ATM: variants seen among roughly 807,000 people sequenced by gnomAD.
ATM encodes the protein ATM serine/threonine kinase.
In ATM, 308 loss-of-function variants were observed where a neutral mutation model predicts 387.0. The observed-to-expected ratio is 0.80, with a 90% CI of 0.73 to 0.87. ATM has a LOEUF of 0.87. ATM is among the 40% of genes least tolerant of loss of function. The pLI, the probability that ATM is intolerant of heterozygous loss-of-function variation, is 0.00. For synonymous variants in ATM, 1,156 were observed against 1,187.3 expected (o/e 0.97, Z 0.54); for missense variants, 3,312 against 3,560.9 (o/e 0.93, Z 1.78).
chr11:108,283,931 T>G (rs2082355312), intron 25 of ATM, among the ~76,000 whole-genome samples: 1 of 152,188 alleles, frequency 6.6e-6, no homozygotes, highest in Non-Finnish European at 1.5e-5. Context: ...AAGTCTCCAT[T>G]TTTATTTGTT....
intron 22 of ATM, among the ~76,000 whole-genome samples, chr11:108,274,040 C>T (rs2081779894): frequency 6.6e-6 from 1 of 152,190 alleles, no homozygotes; most frequent in Non-Finnish European, 1.5e-5. Context: ...ATTACTGCCT[C>T]AATTTCAGAA....
chr11:108,322,141 T>C (rs1402997865), intron 45 of ATM, among the ~76,000 whole-genome samples: 1 of 152,000 alleles, frequency 6.6e-6, no homozygotes, highest in Non-Finnish European at 1.5e-5. Context: ...TGTTTTTGTT[T>C]TGTTTTCTTT....
At chr11:108,320,829 G>T (rs1430943806) in intron 44 of ATM, among the ~76,000 whole-genome samples, 7 of 152,134 alleles carry the variant, frequency 4.6e-5, no homozygotes, top group Admixed American at 2.6e-4. Flanking sequence ...ATAGCTTACT[G>T]TTAACCAGAA....
intron 16 of ATM, among the ~76,000 whole-genome samples, chr11:108,261,997 C>G (rs2080921013): frequency 6.6e-6 from 1 of 152,196 alleles, no homozygotes; most frequent in Admixed American, 6.5e-5. Flanking sequence ...AAGACCAAAT[C>G]TACGTCTGAT....
rs959094496 is a variant in ATM at position 108,236,975 on chromosome 11, C to CT, written c.496+1151dup. 6.6e-3 allele frequency among the ~76,000 whole-genome samples: 973 copies of CT among 147,948 alleles called. 8 individuals are homozygous for CT. Among genetic ancestry groups the CT allele is most frequent in the African/African-American group, 0.019 (761 of 40,352 alleles). On this transcript the variant is annotated intron_variant, in intron 5 of 62. Coordinates refer to ENST00000675843, the MANE Select transcript of ATM (RefSeq NM_000051.4). ...TACACGAACTCTAAAAGTTTAGAAG[C>CT]TTTTTTTTTTCATGGAAAGTATTTA...
chr11:108,354,702 GATT>G (rs2089667614), intron 60 of ATM, 106 bp from the exon 61 acceptor site: 3 of 989,886 alleles, frequency 3.0e-6, no homozygotes, highest in Non-Finnish European at 4.9e-6. Context: ...CAGATATGTA[GATT>G]ATTAAGCATA....
chr11:108,344,380 A>G (rs1348826485), intron 57 of ATM, among the ~76,000 whole-genome samples: 1 of 152,210 alleles, frequency 6.6e-6, no homozygotes, highest in East Asian at 1.9e-4. Flanking sequence ...ATGAGCAGGA[A>G]AAGACAACAT....
At chr11:108,223,323 A>T (rs754490342) in intron 1 of ATM, 137 bp downstream of exon 1, 1 of 152,992 alleles carries the variant, frequency 6.5e-6, no homozygotes, top group African/African-American at 2.4e-5. Context: ...TCCTCACTCC[A>T]TCTTTCCTGG....
chr11:108,326,818 ATTAT>A (rs962174545), intron 47 of ATM, among the ~76,000 whole-genome samples: 1 of 151,874 alleles, frequency 6.6e-6, no homozygotes, highest in Non-Finnish European at 1.5e-5. Context: ...ACTGTGCTTT[ATTAT>A]TTATTTATTT....
At chr11:108,346,290 C>G (rs1215869277) in intron 58 of ATM, among the ~76,000 whole-genome samples, 1 of 151,926 alleles carries the variant, frequency 6.6e-6, no homozygotes, top group African/African-American at 2.4e-5. Flanking sequence ...TTGCATATAA[C>G]CTCTAAATAT....
chr11:108,247,961 C>T (rs2079939421), intron 8 of ATM, among the ~76,000 whole-genome samples: 2 of 152,126 alleles, frequency 1.3e-5, no homozygotes, highest in Admixed American at 6.6e-5. Context: ...TTCCCTGCAT[C>T]TCCTAGATCC....
At chr11:108,323,454 G>A (rs2085377614) in intron 45 of ATM, among the ~76,000 whole-genome samples, 1 of 152,060 alleles carries the variant, frequency 6.6e-6, no homozygotes, top group African/African-American at 2.4e-5. Flanking sequence ...AAAAACACAG[G>A]TAAATAGAAG....
intron 16 of ATM, among the ~76,000 whole-genome samples, chr11:108,260,011 A>G (rs907905757): frequency 6.8e-6 from 1 of 147,050 alleles, no homozygotes; most frequent in Non-Finnish European, 1.5e-5. Flanking sequence ...GTATATATGT[A>G]TATGAAAGCT....
intron 48 of ATM, 76 bp downstream of exon 48, chr11:108,327,834 T>C (rs2136383025): frequency 2.7e-6 from 3 of 1,122,728 alleles, no homozygotes; most frequent in African/African-American, 1.6e-5. Context: ...GATCAATATA[T>C]TTCCAAAGCA....
At chr11:108,327,952 G>A (rs993615449) in intron 48 of ATM, among the ~76,000 whole-genome samples, 194 bp downstream of exon 48, 1 of 152,176 alleles carries the variant, frequency 6.6e-6, no homozygotes, top group Non-Finnish European at 1.5e-5. Flanking sequence ...AATTTTGAAA[G>A]TAAGCCCAAG....
At chr11:108,236,227 A>G (rs750117717) in intron 5 of ATM, 6 of 261,230 alleles carry the variant, frequency 2.3e-5, no homozygotes, top group Admixed American at 1.0e-4. Context: ...AAAGGGAGAA[A>G]ACCAAGAGAG....
chr11:108,355,315 G>C lies in ATM; in HGVS notation c.8850+441G>C, dbSNP rs531237518. 3.4e-5 allele frequency: 7 copies of C among 206,702 alleles called. 1 individual carries two copies. In the South Asian group the frequency reaches 5.7e-4, roughly 17 times the overall value. The allele number at this position is 206,702 out of a possible 1,614,324, so 12.8% of individuals were successfully genotyped here. A position where few individuals can be genotyped will look rare whatever the true frequency, so the allele number is the denominator to read the frequency against. ...AGAGGAACATGGCTTAGGAATGAGG[G>C]CCAGACTAGTTTACTGCTGGTGCTA... On this transcript the variant is annotated intron_variant, in intron 61 of 62. Coordinates refer to ENST00000675843, the MANE Select transcript of ATM (RefSeq NM_000051.4).
rs2082292356 is a variant in ATM at position 108,282,696 on chromosome 11, T to C, written c.3577-14T>C. On this transcript the variant is annotated splice_polypyrimidine_tract_variant and intron_variant, in intron 24 of 62. Coordinates refer to ENST00000675843, the MANE Select transcript of ATM (RefSeq NM_000051.4). ...TTCATTTTTCTTAACACATTGACTT[T>C]TTGGTTCGTGCAGGTTTTAGAGAAA... 1.2e-6 allele frequency: 2 copies of C among 1,611,806 alleles called. No homozygotes were observed. Among genetic ancestry groups the C allele is most frequent in the South Asian group, 2.2e-5 (2 of 90,720 alleles).
Position 108,252,800 on chromosome 11 carries a change from T to C in ATM, c.1803-17T>C, listed in dbSNP as rs2135352121. Reference sequence around the variant, plus strand: ...GCTTTTGGTCTTCTAAGTGAAGCTTTTTGTTTTTCTTTGTAGTAATTTTCC... The same window carrying C: ...GCTTTTGGTCTTCTAAGTGAAGCTTCTTGTTTTTCTTTGTAGTAATTTTCC... On this transcript the variant is annotated splice_polypyrimidine_tract_variant and intron_variant, in intron 11 of 62. Transcript: ENST00000675843. 1 of 1,554,126 alleles carries C rather than the reference T, an allele frequency of 6.4e-7. No homozygotes were observed. Among genetic ancestry groups the C allele is most frequent in the Non-Finnish European group, 8.9e-7 (1 of 1,126,782 alleles).
Sources: gnomAD v4.1 joint callset for allele counts (sites outside exome capture counted in the v4.1 genomes callset) on GRCh38, gnomAD v4.1.1 for gene constraint, MANE v1.5 for transcripts, NCBI Gene and HGNC (gene_info 2026-07-23, HGNC 2026-07-21) for gene names.